The following MGMT variants were observed in gnomAD, a reference collection of about 807,000 sequenced individuals.
MGMT encodes methylated-DNA--protein-cysteine methyltransferase.
In MGMT, 14 loss-of-function variants were observed where a neutral mutation model predicts 15.9. That is an observed-to-expected ratio of 0.88 (90% CI 0.58 to 1.37). The LOEUF is 1.37. MGMT is among the 40% of genes most tolerant of loss of function. The probability of loss-of-function intolerance (pLI) is 0.00; values close to 1 mark genes in which losing one functional copy is unlikely to be tolerated. For missense variants in MGMT, 282 were observed against 268.1 expected (o/e 1.05, Z -0.36); for synonymous variants, 130 against 118.2 (o/e 1.10, Z -0.65).
At chr10:129,724,163 A>C (rs1211352871) in intron 3 of MGMT, among the ~76,000 whole-genome samples, 1 of 152,166 alleles carries the variant, frequency 6.6e-6, no homozygotes, top group Non-Finnish European at 1.5e-5. Context: ...AAATTACCTG[A>C]GGGATATCCA....
chr10:129,601,128 C>G (rs1846816559), intron 2 of MGMT, among the ~76,000 whole-genome samples: 1 of 150,062 alleles, frequency 6.7e-6, no homozygotes, highest in Admixed American at 6.7e-5. Context: ...GTGAAAAATT[C>G]AACGCATTGG....
At chr10:129,493,409 G>A (rs557849353) in intron 1 of MGMT, among the ~76,000 whole-genome samples, 1 of 152,218 alleles carries the variant, frequency 6.6e-6, no homozygotes, top group East Asian at 1.9e-4. Flanking sequence ...CAAGTGCCCC[G>A]ATTCTCTTTG....
At chr10:129,757,584 C>T (rs898079489) in intron 3 of MGMT, among the ~76,000 whole-genome samples, 11 of 152,136 alleles carry the variant, frequency 7.2e-5, no homozygotes, top group Non-Finnish European at 5.9e-5. Context: ...CAGCTGTCCC[C>T]GAAATCTCTT....
chr10:129,647,627 A>G (rs1328580402), intron 2 of MGMT, among the ~76,000 whole-genome samples: 1 of 152,230 alleles, frequency 6.6e-6, no homozygotes, highest in East Asian at 1.9e-4. Context: ...TTTGAACAAT[A>G]ATCTTTGTAA....
intron 3 of MGMT, among the ~76,000 whole-genome samples, chr10:129,738,689 T>C (rs1241903472): frequency 1.3e-5 from 2 of 152,116 alleles, no homozygotes; most frequent in African/African-American, 4.8e-5. Flanking sequence ...TGTGTCTTTA[T>C]AGTAGCATGA....
chr10:129,601,151 A>G (rs1030328117), intron 2 of MGMT, among the ~76,000 whole-genome samples: 3 of 151,998 alleles, frequency 2.0e-5, no homozygotes, highest in African/African-American at 4.8e-5. Flanking sequence ...AGAGGCGTCA[A>G]CATTTGAACC....
At chr10:129,685,740 C>T (rs1847897868) in intron 2 of MGMT, among the ~76,000 whole-genome samples, 1 of 152,212 alleles carries the variant, frequency 6.6e-6, no homozygotes, top group African/African-American at 2.4e-5. Context: ...CTAATCATTG[C>T]AAGAAGTCTA....
intron 2 of MGMT, among the ~76,000 whole-genome samples, chr10:129,538,704 C>T (rs764468541): frequency 7.2e-5 from 11 of 151,962 alleles, no homozygotes; most frequent in South Asian, 2.1e-4. Flanking sequence ...GGTGCAATCT[C>T]GGCTCACTGC....
At chr10:129,647,982 C>A (rs1232257771) in intron 2 of MGMT, among the ~76,000 whole-genome samples, 1 of 152,182 alleles carries the variant, frequency 6.6e-6, no homozygotes, top group East Asian at 1.9e-4. Flanking sequence ...ATAAATATAG[C>A]CATAGGCTTT....
At chr10:129,492,467 T>G (rs1455667651) in intron 1 of MGMT, among the ~76,000 whole-genome samples, 4 of 152,230 alleles carry the variant, frequency 2.6e-5, no homozygotes, top group Admixed American at 6.5e-5. Flanking sequence ...TAAGGGATAG[T>G]GTGCTTTTCC....
rs542059713 is a variant in MGMT at position 129,532,598 on chromosome 10, A to T, written c.-12-3643A>T. On this transcript the variant is annotated intron_variant, in intron 1 of 4. Transcript: ENST00000651593. The surrounding 1 kb of genome is among the most constrained non-coding windows in gnomAD (Gnocchi z 5.3). The stretch of plus-strand genomic sequence containing the variant: ...CCCCCAGTGGCCTTCCAAGGCTCCT[A>T]CCTTTCTCCCTGGCCCTGTCTCTGC... Among the ~76,000 whole-genome samples, 1 of 151,698 alleles carries T rather than the reference A, an allele frequency of 6.6e-6. No individual in the cohort carries two copies. The highest frequency in any genetic ancestry group is 2.1e-4 in the South Asian group (1 of 4,792).
chr10:129,693,483 C>T (rs1847993155), intron 2 of MGMT, among the ~76,000 whole-genome samples: 3 of 152,208 alleles, frequency 2.0e-5, no homozygotes. Context: ...AACTCTAGCT[C>T]TCCAAGGCCT....
rs1468675323 is a variant in MGMT at position 129,467,266 on chromosome 10, G to A, written c.-43G>A. ...AACGCTTTGCGTCCCGACGCCCGCAGGTCCTCGCGGTGCGCACCGTTTGCG... is the reference window on the plus strand; with the variant it reads ...AACGCTTTGCGTCCCGACGCCCGCAAGTCCTCGCGGTGCGCACCGTTTGCG... On this transcript the variant is annotated 5_prime_UTR_variant, in exon 1 of 5. Coordinates refer to ENST00000651593, the MANE Select transcript of MGMT (RefSeq NM_002412.5). 4.5e-6 allele frequency: 7 copies of A among 1,541,644 alleles called. No individual in the cohort carries two copies. In the South Asian group the frequency reaches 8.4e-5, roughly 18 times the overall value.
In MGMT at chr10:129,707,253, G is replaced by A. The variant is rs574458710; in HGVS notation, c.126-642G>A. On this transcript the variant is annotated intron_variant, in intron 2 of 4. Coordinates refer to ENST00000651593, the MANE Select transcript of MGMT (RefSeq NM_002412.5). ...GATCGAGCCATTGTACTCCAGCCAC[G>A]GCAACAAGAGCAAAACTCCGTCTCA... is the stretch of plus-strand genomic sequence containing the variant. 1.4e-4 allele frequency among the ~76,000 whole-genome samples: 22 copies of A among 152,092 alleles called. No individual in the cohort carries two copies. The South Asian group carries it at 2.9e-3, about 20-fold the overall frequency.
Position 129,663,497 on chromosome 10 carries a change from C to T in MGMT, c.126-44398C>T, listed in dbSNP as rs77550971. Among the ~76,000 whole-genome samples, 1,374 of 151,528 alleles carry T rather than the reference C, an allele frequency of 9.1e-3. 15 individuals are homozygous for T. Among genetic ancestry groups the T allele is most frequent in the African/African-American group, 0.029 (1,183 of 41,296 alleles). On this transcript the variant is annotated intron_variant, in intron 2 of 4. Transcript: ENST00000651593. ...AGGAAATAATAGAAGCAGAAAATAA[C>T]GAAGTAGAGAAGGAAAAAGCATTTA... is the stretch of plus-strand genomic sequence containing the variant.
chr10:129,752,001 G>C (rs888191521), intron 3 of MGMT, among the ~76,000 whole-genome samples: 1 of 151,930 alleles, frequency 6.6e-6, no homozygotes, highest in Non-Finnish European at 1.5e-5. Flanking sequence ...GGAGTGTTCT[G>C]TAAATATCCA....
intron 1 of MGMT, among the ~76,000 whole-genome samples, chr10:129,517,633 G>A (rs76263738): frequency 0.077 from 11,796 of 152,266 alleles, 746 homozygotes; most frequent in African/African-American, 0.16. Flanking sequence ...TGTCGCACAA[G>A]GCTTCTTGAG....
intron 2 of MGMT, among the ~76,000 whole-genome samples, chr10:129,549,725 T>C (rs1418449204): frequency 1.3e-5 from 2 of 152,226 alleles, no homozygotes; most frequent in Non-Finnish European, 2.9e-5. Context: ...AGTATGACTT[T>C]GGTGGTGAAT....
At chr10:129,572,922 T>G (rs1846436991) in intron 2 of MGMT, among the ~76,000 whole-genome samples, 1 of 152,190 alleles carries the variant, frequency 6.6e-6, no homozygotes, top group African/African-American at 2.4e-5. Context: ...TTTGCTTTGG[T>G]CCTTTTTTGG....
Sources: allele counts gnomAD v4.1 joint callset (sites outside exome capture counted in the v4.1 genomes callset), GRCh38; gene constraint gnomAD v4.1.1; non-coding constraint Gnocchi (gnomAD v3.1); transcripts MANE v1.5; gene names NCBI Gene and HGNC (gene_info 2026-07-23, HGNC 2026-07-21).